Variants in RUNX2 observed in about 807,000 individuals in gnomAD.
RUNX2 encodes the protein runt-related transcription factor 2.
RUNX2 carries 10 observed loss-of-function variants against 51.7 expected under a neutral mutation model. The ratio of observed to expected loss-of-function variants is 0.19; its 90% CI spans 0.12 to 0.33. RUNX2 has a LOEUF of 0.33. Among genes scored for constraint, RUNX2 ranks in the 10% least tolerant of loss-of-function variants. The pLI, the probability that RUNX2 is intolerant of heterozygous loss-of-function variation, is 1.00. For synonymous variants in RUNX2, 276 were observed against 273.6 expected (o/e 1.01, Z -0.09); for missense variants, 562 against 691.3 (o/e 0.81, Z 2.10).
intron 5 of RUNX2, among the ~76,000 whole-genome samples, chr6:45,452,071 G>A (rs779282787): frequency 1.3e-5 from 2 of 152,210 alleles, no homozygotes; most frequent in Non-Finnish European, 2.9e-5. Flanking sequence ...ATTTTGGACT[G>A]AGGGGGATAA....
intron 2 of RUNX2, among the ~76,000 whole-genome samples, chr6:45,350,820 T>C (rs1293078943): frequency 6.6e-6 from 1 of 152,136 alleles, no homozygotes; most frequent in African/African-American, 2.4e-5. Flanking sequence ...GAATGAAGTC[T>C]TTACATTTTC....
chr6:45,446,943 G>A (rs1799014923), intron 5 of RUNX2, among the ~76,000 whole-genome samples: 1 of 152,184 alleles, frequency 6.6e-6, no homozygotes, highest in Non-Finnish European at 1.5e-5. Flanking sequence ...AGCAAAGGAA[G>A]GGCTCCAGTT....
At chr6:45,334,142 T>C (rs559671933) in intron 2 of RUNX2, among the ~76,000 whole-genome samples, 1 of 151,278 alleles carries the variant, frequency 6.6e-6, no homozygotes, top group African/African-American at 2.4e-5. Flanking sequence ...TTACATCAGA[T>C]TAGTGACATT....
chr6:45,385,349 T>C (rs1384948357), intron 2 of RUNX2, among the ~76,000 whole-genome samples: 3 of 152,210 alleles, frequency 2.0e-5, no homozygotes, highest in Non-Finnish European at 2.9e-5. Context: ...GGGGAGCTGA[T>C]GTTCTCACTG....
At chr6:45,371,367 A>G (rs1256911775) in intron 2 of RUNX2, among the ~76,000 whole-genome samples, 1 of 152,076 alleles carries the variant, frequency 6.6e-6, no homozygotes, top group Non-Finnish European at 1.5e-5. Context: ...TGGAGTTTAT[A>G]AAGGGTACTT....
At chr6:45,421,911 G>A (rs1205328497) in intron 2 of RUNX2, 1 of 152,416 alleles carries the variant, frequency 6.6e-6, no homozygotes, top group Non-Finnish European at 1.5e-5. Context: ...TGGATGCAAA[G>A]AGGTGGCTGT....
chr6:45,546,930 C>T lies in RUNX2; in HGVS notation c.1191C>T (p.Thr397=), dbSNP rs1239672518. 6.2e-7 allele frequency: 1 copy of T among 1,614,040 alleles called. No individual in the cohort carries two copies. Among genetic ancestry groups the T allele is most frequent in the South Asian group, 1.1e-5 (1 of 91,070 alleles). The change falls in exon 9 of 9, where the codon ACC becomes ACT. Residue 397 remains threonine, a synonymous_variant. Coordinates refer to ENST00000647337, the MANE Select transcript of RUNX2 (RefSeq NM_001024630.4). ...FSNPRMHYPA[T]FTYTPPVTSG... ...ACCCACGAATGCACTATCCAGCCAC[C>T]TTTACTTACACCCCGCCAGTCACCT...
intron 2 of RUNX2, among the ~76,000 whole-genome samples, chr6:45,366,822 T>C (rs866916487): frequency 6.6e-6 from 1 of 152,192 alleles, no homozygotes; most frequent in Non-Finnish European, 1.5e-5. Flanking sequence ...CTACTTTCTG[T>C]ATGTTCTCAG....
intron 7 of RUNX2, among the ~76,000 whole-genome samples, chr6:45,536,673 G>C (rs1288365801): frequency 6.6e-6 from 1 of 152,206 alleles, no homozygotes; most frequent in South Asian, 2.1e-4. Context: ...CATCTCTCCT[G>C]GACCAGTGCT....
intron 5 of RUNX2, among the ~76,000 whole-genome samples, chr6:45,490,445 A>G (rs759853720): frequency 6.6e-6 from 1 of 152,172 alleles, no homozygotes. Context: ...AGCTACACTC[A>G]TATTACCAAG....
chr6:45,467,922 A>G (rs1259267967), intron 5 of RUNX2, among the ~76,000 whole-genome samples: 1 of 152,206 alleles, frequency 6.6e-6, no homozygotes, highest in Non-Finnish European at 1.5e-5. Context: ...TTATTCTTCT[A>G]GCTACCAGCC....
intron 2 of RUNX2, 91 bp from the exon 3 acceptor site, chr6:45,422,502 C>A: frequency 1.1e-6 from 1 of 924,704 alleles, no homozygotes; most frequent in Non-Finnish European, 1.5e-6. Flanking sequence ...CTTCACCCCC[C>A]CAATTTCCTC....
intron 2 of RUNX2, among the ~76,000 whole-genome samples, chr6:45,420,630 A>AT (rs1017568157): frequency 2.6e-5 from 4 of 152,242 alleles, no homozygotes; most frequent in Non-Finnish European, 5.9e-5. Flanking sequence ...GCAACTGATG[A>AT]TTTTTTTCGC....
intron 2 of RUNX2, among the ~76,000 whole-genome samples, chr6:45,383,636 T>G (rs1022677702): frequency 6.6e-6 from 1 of 152,112 alleles, no homozygotes; most frequent in Non-Finnish European, 1.5e-5. Context: ...AGAAAAATAT[T>G]TTTTGGTCTA....
At chr6:45,531,140 T>G (rs960546613) in intron 7 of RUNX2, among the ~76,000 whole-genome samples, 1 of 152,166 alleles carries the variant, frequency 6.6e-6, no homozygotes, top group Non-Finnish European at 1.5e-5. Flanking sequence ...GTCTTTTAGC[T>G]CCACATAATA....
At chr6:45,405,151 C>A (rs531755653) in intron 2 of RUNX2, among the ~76,000 whole-genome samples, 1 of 152,268 alleles carries the variant, frequency 6.6e-6, no homozygotes, top group African/African-American at 2.4e-5. Context: ...CTTATTTGCC[C>A]ATAGAGGACA....
intron 5 of RUNX2, among the ~76,000 whole-genome samples, chr6:45,483,339 C>G (rs1289885944): frequency 7.0e-6 from 1 of 143,568 alleles, no homozygotes; most frequent in East Asian, 1.9e-4. Context: ...GGAAATGTTT[C>G]CCAATAACCA....
chr6:45,450,243 G>A (rs1359624836), intron 5 of RUNX2, among the ~76,000 whole-genome samples: 1 of 152,228 alleles, frequency 6.6e-6, no homozygotes, highest in African/African-American at 2.4e-5. Context: ...CCTGAATGAT[G>A]TGGGACTAGA....
intron 2 of RUNX2, among the ~76,000 whole-genome samples, chr6:45,400,161 A>AGGAAGGAAGGAAAGAAGGAGAGAATGAG (rs1797680126): frequency 7.0e-6 from 1 of 142,008 alleles, no homozygotes; most frequent in East Asian, 2.2e-4. Context: ...GAAGGAAAGA[A>AGGAAGGAAGGAAAGAAGGAGAGAATGAG]GGAAGGAAGG....
Sources: gnomAD v4.1 joint callset for allele counts (sites outside exome capture counted in the v4.1 genomes callset) on GRCh38, gnomAD v4.1.1 for gene constraint, MANE v1.5 for transcripts, NCBI Gene and HGNC (gene_info 2026-07-23, HGNC 2026-07-21) for gene names.